NDNF: variants seen among roughly 807,000 people sequenced by gnomAD.
NDNF encodes the protein neuron derived neurotrophic factor, also known as protein NDNF.
NDNF carries 16 observed loss-of-function variants against 42.0 expected under a neutral mutation model. That is an observed-to-expected ratio of 0.38 (90% CI 0.26 to 0.58). The LOEUF is 0.58. Among genes scored for constraint, NDNF ranks in the 20% least tolerant of loss-of-function variants. NDNF has a pLI of 0.67. For missense variants in NDNF, 616 were observed against 666.2 expected, an observed-to-expected ratio of 0.92 and a Z score of 0.83; for synonymous variants, 248 against 251.7, an observed-to-expected ratio of 0.99 and a Z score of 0.14.
At chr4:121,046,048 T>G (rs1727086484) in intron 1 of NDNF, among the ~76,000 whole-genome samples, 1 of 152,220 alleles carries the variant, frequency 6.6e-6, no homozygotes, top group Admixed American at 6.5e-5. Flanking sequence ...TTCACTAGAA[T>G]TTCAGACATT....
At chr4:121,055,834 G>T (rs1727285542) in intron 1 of NDNF, among the ~76,000 whole-genome samples, 1 of 152,042 alleles carries the variant, frequency 6.6e-6, no homozygotes, top group Non-Finnish European at 1.5e-5. Context: ...CACCCCAGAA[G>T]TTGCTTCTTT....
chr4:121,037,474 G>A lies in NDNF; in HGVS notation c.497C>T (p.Thr166Ile), dbSNP rs760645674. ...DTHFKVYATT[T>I]PESDQPYPEL... The stretch of plus-strand genomic sequence containing the variant: ...AGGGTATGGCTGATCAGATTCTGGA[G>A]TTGTGGTGGCATATACTTTGAAATG... The change falls in exon 4 of 4, where the codon ACT (threonine) becomes ATT (isoleucine). Residue 166 changes from threonine (T) to isoleucine (I), a missense_variant. Transcript: ENST00000379692. 2.5e-6 allele frequency: 4 copies of A among 1,614,172 alleles called. No individual in the cohort carries two copies. Among genetic ancestry groups the A allele is most frequent in the Non-Finnish European group, 8.5e-7 (1 of 1,180,036 alleles).
At chr4:121,037,862 A>T (rs3775913) in intron 3 of NDNF, 357,149 of 413,520 alleles carry the variant, frequency 0.86, 154,849 homozygotes, top group East Asian at 0.95. Context: ...TTCTCTGAAT[A>T]TAAATTATTT....
In NDNF at chr4:121,036,485, T is replaced by G. The variant is rs778325003; in HGVS notation, c.1486A>C (p.Arg496=). The change falls in exon 4 of 4, where the codon AGA becomes CGA. Residue 496 remains arginine, a synonymous_variant. Coordinates refer to ENST00000379692, the MANE Select transcript of NDNF (RefSeq NM_024574.4). ...DDNYNEDQKK[R]EQNQCLGPDI... The stretch of plus-strand genomic sequence containing the variant: ...GGTCCTAGACATTGGTTTTGCTCTC[T>G]TTTCTTCTGGTCTTCATTGTAGTTA... The G allele has an allele frequency of 6.2e-7, 1 of 1,614,174 alleles. No individual in the cohort carries two copies. The highest frequency in any genetic ancestry group is 1.1e-5 in the South Asian group (1 of 91,088).
chr4:121,055,807 A>G (rs1473499463), intron 1 of NDNF, among the ~76,000 whole-genome samples: 1 of 152,018 alleles, frequency 6.6e-6, no homozygotes, highest in Non-Finnish European at 1.5e-5. Context: ...ACATACACAC[A>G]TACACACACA....
Position 121,036,145 on chromosome 4 carries a change from C to T in NDNF, c.*119G>A. On this transcript the variant is annotated 3_prime_UTR_variant, in exon 4 of 4. Transcript: ENST00000379692. The stretch of plus-strand genomic sequence containing the variant: ...CAATATACACACGTTGATATCCTTC[C>T]TTCCATAGTACAAGTACAGGTCACA... 3.7e-6 allele frequency: 3 copies of T among 807,482 alleles called. No individual in the cohort carries two copies. Among genetic ancestry groups the T allele is most frequent in the Non-Finnish European group, 6.0e-6 (3 of 501,968 alleles). 50.0% of individuals were successfully genotyped at this position (807,482 alleles called of 1,614,324 possible).
At position 121,036,074 on chromosome 4, in the gene NDNF, G is replaced by C; in HGVS notation, c.*190C>G. 5.4e-6 allele frequency: 3 copies of C among 559,738 alleles called. No homozygotes were observed. Among genetic ancestry groups the C allele is most frequent in the Non-Finnish European group, 3.1e-6 (1 of 324,764 alleles). The allele number at this position is 559,738 out of a possible 1,614,324, so 34.7% of individuals were successfully genotyped here. ...CATCAGACACACACTAGGTACCATG[G>C]GGCACGCTAGAACAAGTCTCCTTCA... On this transcript the variant is annotated 3_prime_UTR_variant, in exon 4 of 4. Coordinates refer to ENST00000379692, the MANE Select transcript of NDNF (RefSeq NM_024574.4).
intron 1 of NDNF, among the ~76,000 whole-genome samples, chr4:121,060,016 A>G (rs1025706459): frequency 6.6e-6 from 1 of 152,118 alleles, no homozygotes; most frequent in Non-Finnish European, 1.5e-5. Context: ...TTTTGTTAGA[A>G]CTTTCTAATC....
chr4:121,065,149 C>T (rs1389717163), intron 1 of NDNF, among the ~76,000 whole-genome samples: 5 of 152,164 alleles, frequency 3.3e-5, no homozygotes, highest in Admixed American at 6.5e-5. Context: ...CATGCTGTCA[C>T]CTCTGCCGTT....
intron 1 of NDNF, among the ~76,000 whole-genome samples, chr4:121,052,164 C>T (rs1727209579): frequency 6.6e-6 from 1 of 152,152 alleles, no homozygotes; most frequent in Non-Finnish European, 1.5e-5. Context: ...TGTCATCAAG[C>T]TCTTACACAC....
intron 1 of NDNF, among the ~76,000 whole-genome samples, chr4:121,067,788 A>G (rs1432333397): frequency 3.3e-5 from 5 of 152,220 alleles, no homozygotes; most frequent in African/African-American, 1.2e-4. Flanking sequence ...AACATTATAT[A>G]TTACATGTTT....
chr4:121,064,114 C>A (rs1727460699), intron 1 of NDNF, among the ~76,000 whole-genome samples: 1 of 152,190 alleles, frequency 6.6e-6, no homozygotes, highest in Non-Finnish European at 1.5e-5. Context: ...CAACTAATCT[C>A]AGCTTAAGCT....
At chr4:121,058,328 G>A (rs1393960636) in intron 1 of NDNF, among the ~76,000 whole-genome samples, 1 of 152,056 alleles carries the variant, frequency 6.6e-6, no homozygotes, top group Non-Finnish European at 1.5e-5. Flanking sequence ...CTTCAAATTC[G>A]TTCTCCTTCT....
intron 1 of NDNF, among the ~76,000 whole-genome samples, chr4:121,070,128 T>C (rs534257701): frequency 1.3e-5 from 2 of 152,352 alleles, no homozygotes; most frequent in South Asian, 4.1e-4. Flanking sequence ...GTTTTCACTT[T>C]CTGAAACCAC....
chr4:121,052,724 C>T (rs1036343685), intron 1 of NDNF, among the ~76,000 whole-genome samples: 2 of 152,226 alleles, frequency 1.3e-5, no homozygotes, highest in South Asian at 4.1e-4. Flanking sequence ...CATGTGCCAG[C>T]GTGGATGTAC....
chr4:121,058,739 C>T (rs1398388208), intron 1 of NDNF, among the ~76,000 whole-genome samples: 1 of 152,108 alleles, frequency 6.6e-6, no homozygotes, highest in Non-Finnish European at 1.5e-5. Context: ...TCTTTTCTAT[C>T]CAAATTGCCA....
intron 1 of NDNF, among the ~76,000 whole-genome samples, chr4:121,055,303 G>GT (rs1459847022): frequency 6.6e-6 from 1 of 152,166 alleles, no homozygotes; most frequent in African/African-American, 2.4e-5. Flanking sequence ...AGAGATGGTG[G>GT]TTTTTTCAGC....
chr4:121,040,029 T>C lies in NDNF; in HGVS notation c.214A>G (p.Asn72Asp). The C allele has an allele frequency of 6.2e-7, 1 of 1,613,844 alleles. No homozygotes were observed. The highest frequency in any genetic ancestry group is 8.5e-7 in the Non-Finnish European group (1 of 1,179,900). The change falls in exon 3 of 4, where the codon AAT becomes GAT. Residue 72 changes from asparagine (N) to aspartate (D), a missense_variant. Coordinates refer to ENST00000379692, the MANE Select transcript of NDNF (RefSeq NM_024574.4). ...KRYFFVVEED[N>D]TPLSVTVTPC... ...GTCACTGTGACTGATAATGGAGTAT[T>C]GTCTTCTTCAACCACAAAGAAATAC...
chr4:121,045,734 C>G lies in NDNF; in HGVS notation c.104G>C (p.Arg35Pro), dbSNP rs1175215245. The change falls in exon 2 of 4, where the codon CGG becomes CCG. Residue 35 changes from arginine to proline, a missense_variant. Physicochemically the swap from Arg to Pro is moderately radical, Grantham distance 103 (BLOSUM62 -2). Coordinates refer to ENST00000379692, the MANE Select transcript of NDNF (RefSeq NM_024574.4). ...RDEELFQMQI[R>P]DKAFFHDSSV... is the part of the protein sequence containing the mutation. ...CGAATCATGAAAAAATGCCTTGTCC[C>G]GGATCTGCATCTGAAAAAGTTCCTC... 6.2e-7 allele frequency: 1 copy of G among 1,614,020 alleles called. No homozygotes were observed. The highest frequency in any genetic ancestry group is 8.5e-7 in the Non-Finnish European group (1 of 1,180,030).
Sources: gnomAD v4.1 joint callset for allele counts (sites outside exome capture counted in the v4.1 genomes callset) on GRCh38, gnomAD v4.1.1 for gene constraint, MANE v1.5 for transcripts, NCBI Gene and HGNC (gene_info 2026-07-23, HGNC 2026-07-21) for gene names.